Variants in ZNF707 observed in about 807,000 individuals in gnomAD.
ZNF707 encodes the protein zinc finger protein 707.
A neutral mutation model predicts 13.3 loss-of-function variants in ZNF707; 8 were observed. The ratio of observed to expected loss-of-function variants is 0.60; its 90% CI spans 0.35 to 1.09. ZNF707 has a LOEUF of 1.09. Ranked by LOEUF, ZNF707 falls within the 50% of genes least tolerant of loss-of-function variation. The pLI is 0.02. For synonymous variants in ZNF707, 225 were observed against 205.6 expected (o/e 1.09, Z -0.81); for missense variants, 530 against 512.6 (o/e 1.03, Z -0.33).
Position 143,693,925 on chromosome 8 carries a change from G to C in ZNF707, c.511G>C (p.Ala171Pro). 6.2e-7 allele frequency: 1 copy of C among 1,607,516 alleles called. No homozygotes were observed. The highest frequency in any genetic ancestry group is 8.5e-7 in the Non-Finnish European group (1 of 1,177,428). ...PGRRERRKQR[A>P]VELSFICGTC... ...CCGCAGAGAGCGCCGGAAGCAGCGC[G>C]CAGTAGAGCTGTCATTCATCTGCGG... is the stretch of plus-strand genomic sequence containing the variant. Residue 171 changes from alanine to proline, a missense_variant, in exon 6 of 6, where the codon GCA (alanine) becomes CCA (proline). Ala to Pro is a conservative substitution (Grantham distance 27, BLOSUM62 -1). Transcript: ENST00000358656. This position sits in a 1 kb window ranked among gnomAD's most constrained non-coding sequence, Gnocchi z 4.1.
rs1237764530 is a variant in ZNF707, at chr8:143,689,312, A to T, written c.-53+11A>T. 9 of 152,348 alleles carry T rather than the reference A, an allele frequency of 5.9e-5. No homozygotes were observed. Among genetic ancestry groups the T allele is most frequent in the Admixed American group, 5.2e-4 (8 of 15,266 alleles). 9.4% of individuals were successfully genotyped at this position (152,348 alleles called of 1,614,324 possible). On this transcript the variant is annotated intron_variant, in intron 2 of 5. Coordinates refer to ENST00000358656, the MANE Select transcript of ZNF707 (RefSeq NM_001100598.2). ...CCCTCCCCTGACGAGGTAACCAGGC[A>T]TGGGCTATCTTCCTCCAGCTGGTTC...
intron 1 of ZNF707, chr8:143,687,149 G>T (rs1816365182): frequency 6.6e-6 from 1 of 152,116 alleles, no homozygotes; most frequent in Admixed American, 6.5e-5. Flanking sequence ...GGGATTACAG[G>T]CGTGAGCCAC....
chr8:143,691,797 C>A, intron 5 of ZNF707, 84 bp downstream of exon 5: 3 of 1,229,938 alleles, frequency 2.4e-6, no homozygotes, highest in Non-Finnish European at 3.4e-6. Flanking sequence ...CTGCAGTGAC[C>A]AAGGGTGTGT....
chr8:143,690,296 G>A, intron 3 of ZNF707, 173 bp downstream of exon 3: 1 of 755,948 alleles, frequency 1.3e-6, no homozygotes, highest in Non-Finnish European at 2.1e-6. Context: ...TTGGGGCCAG[G>A]CGCAATGCCT....
intron 1 of ZNF707, chr8:143,687,148 G>A (rs956359372): frequency 6.6e-6 from 1 of 152,168 alleles, no homozygotes; most frequent in Non-Finnish European, 1.5e-5. Context: ...TGGGATTACA[G>A]GCGTGAGCCA....
At position 143,694,541 on chromosome 8, in the gene ZNF707, AGAGTG is replaced by A; in HGVS notation, c.*13_*17del. Reference sequence around the variant, plus strand: ...CACGGGGAGGTGTAGGGGCGCCCGAAGAGTGGGGTGCTGCGCCTCTGCGGGAGTAC... The same window carrying A: ...CACGGGGAGGTGTAGGGGCGCCCGAAGGGTGCTGCGCCTCTGCGGGAGTAC... On this transcript the variant is annotated 3_prime_UTR_variant, in exon 6 of 6. Transcript: ENST00000358656. This position sits in a 1 kb window ranked among gnomAD's most constrained non-coding sequence, Gnocchi z 4.4. 1 of 1,585,396 alleles carries A rather than the reference AGAGTG, an allele frequency of 6.3e-7. No homozygotes were observed. The highest frequency in any genetic ancestry group is 1.7e-5 in the Admixed American group (1 of 58,584).
intron 4 of ZNF707, 186 bp downstream of exon 4, chr8:143,691,385 C>A: frequency 2.6e-6 from 3 of 1,155,816 alleles, no homozygotes; most frequent in South Asian, 1.7e-5. Context: ...TCCCTGGAGG[C>A]AGCCTCATCT....
rs782179117 is a variant in ZNF707 at position 143,694,096 on chromosome 8, C to T, written c.682C>T (p.Arg228Cys). Residue 228 changes from arginine to cysteine, a missense_variant, in exon 6 of 6, where the codon CGC (arginine) becomes TGC (cysteine). Transcript: ENST00000358656. The surrounding 1 kb of genome is among the most constrained non-coding windows in gnomAD (Gnocchi z 4.4). ...NLQRHQKNHTREKPFCCEACG... is the reference protein window; with the variant it reads ...NLQRHQKNHTCEKPFCCEACG... Reference sequence around the variant, plus strand: ...GCAGCGCCACCAGAAGAACCACACGCGCGAGAAGCCCTTCTGCTGCGAGGC... The same window carrying T: ...GCAGCGCCACCAGAAGAACCACACGTGCGAGAAGCCCTTCTGCTGCGAGGC... The T allele has an allele frequency of 3.1e-6, 5 of 1,606,490 alleles. No homozygotes were observed. The highest frequency in any genetic ancestry group is 1.3e-5 in the African/African-American group (1 of 74,686).
At position 143,694,357 on chromosome 8, in the gene ZNF707, C is replaced by A; in HGVS notation, c.943C>A (p.Pro315Thr). ...CCAGAGGGTCCACAGCGGGGAGAAG[C>A]CCTACACCTGTGCCGAGTGCGGCAA... ...HHQRVHSGEKPYTCAECGKSF... is the reference protein window; with the variant it reads ...HHQRVHSGEKTYTCAECGKSF... The change falls in exon 6 of 6, where the codon CCC (proline) becomes ACC (threonine). Residue 315 changes from proline to threonine, a missense_variant. By Grantham distance (38) the Pro-to-Thr change is conservative (BLOSUM62 -1). Coordinates refer to ENST00000358656, the MANE Select transcript of ZNF707 (RefSeq NM_001100598.2). This position sits in a 1 kb window ranked among gnomAD's most constrained non-coding sequence, Gnocchi z 4.4. 6.2e-7 allele frequency: 1 copy of A among 1,611,194 alleles called. No individual in the cohort carries two copies. The highest frequency in any genetic ancestry group is 8.5e-7 in the Non-Finnish European group (1 of 1,179,022).
Position 143,693,860 on chromosome 8 carries a change from C to G in ZNF707, c.446C>G (p.Pro149Arg). The change falls in exon 6 of 6, where the codon CCG becomes CGG. Residue 149 changes from proline (P) to arginine (R), a missense_variant. By Grantham distance (103) the Pro-to-Arg change is moderately radical (BLOSUM62 -2). Coordinates refer to ENST00000358656, the MANE Select transcript of ZNF707 (RefSeq NM_001100598.2). This position sits in a 1 kb window ranked among gnomAD's most constrained non-coding sequence, Gnocchi z 4.1. ...ACAGACGCCAAGCCCACGGCTTTCC[C>G]GTGTCAGGTGCTCACGCAGCGTTGT... Reference protein sequence around the residue: ...ERTDAKPTAFPCQVLTQRCGR... With the variant: ...ERTDAKPTAFRCQVLTQRCGR... The G allele has an allele frequency of 3.1e-6, 5 of 1,610,328 alleles. No homozygotes were observed. Among genetic ancestry groups the G allele is most frequent in the Non-Finnish European group, 4.2e-6 (5 of 1,178,468 alleles).
chr8:143,686,191 G>A (rs1249812381), intron 1 of ZNF707, among the ~76,000 whole-genome samples: 1 of 151,940 alleles, frequency 6.6e-6, no homozygotes, highest in African/African-American at 2.4e-5. Flanking sequence ...TCCGCCTCCC[G>A]GGTTCAAGCA....
intron 1 of ZNF707, among the ~76,000 whole-genome samples, chr8:143,685,669 G>A (rs1251968192): frequency 1.3e-5 from 2 of 152,010 alleles, no homozygotes; most frequent in African/African-American, 4.8e-5. Context: ...GTGAGACCCC[G>A]TTTCTGCAAA....
At chr8:143,685,444 T>G (rs1391342732) in intron 1 of ZNF707, among the ~76,000 whole-genome samples, 6 of 151,780 alleles carry the variant, frequency 4.0e-5, no homozygotes, top group African/African-American at 1.2e-4. Flanking sequence ...GAGAATCGTT[T>G]GAACCCAAGA....
In ZNF707 at chr8:143,693,796, A is replaced by G; in HGVS notation, c.382A>G (p.Thr128Ala). ...SSFRKGFRLD[T>A]DDGQLPRAAP... ...CTTTAGGAAGGGCTTCAGGCTGGACACGGATGACGGGCAGCTTCCCAGAGC... is the reference window on the plus strand; with the variant it reads ...CTTTAGGAAGGGCTTCAGGCTGGACGCGGATGACGGGCAGCTTCCCAGAGC... The change falls in exon 6 of 6, where the codon ACG (threonine) becomes GCG (alanine). Residue 128 changes from threonine (T) to alanine (A), a missense_variant. Physicochemically the swap from Thr to Ala is moderately conservative, Grantham distance 58. Transcript: ENST00000358656. The surrounding 1 kb of genome is among the most constrained non-coding windows in gnomAD (Gnocchi z 4.1). 6.2e-7 allele frequency: 1 copy of G among 1,612,954 alleles called. No homozygotes were observed. Among genetic ancestry groups the G allele is most frequent in the Non-Finnish European group, 8.5e-7 (1 of 1,179,842 alleles).
At chr8:143,692,363 T>G (rs1437567807) in intron 5 of ZNF707, 1 of 1,273,050 alleles carries the variant, frequency 7.9e-7, no homozygotes, top group Non-Finnish European at 1.0e-6. Context: ...GAGTGTCAGG[T>G]CCCTGGGTGT....
rs782161105 is a variant in ZNF707, at chr8:143,692,064, G to A, written c.256+351G>A. 122 of 1,358,614 alleles carry A rather than the reference G, an allele frequency of 9.0e-5. 1 individual carries two copies. Among genetic ancestry groups the A allele is most frequent in the South Asian group, 7.4e-5 (6 of 81,628 alleles). The allele number at this position is 1,358,614 out of a possible 1,614,324, so 84.2% of individuals were successfully genotyped here. A position where few individuals can be genotyped will look rare whatever the true frequency, so the allele number is the denominator to read the frequency against. ...TGTCTGACCTCCCTGTGATGGCCAT[G>A]TGGGGTCCCAGGCCTGGTACTGACT... On this transcript the variant is annotated intron_variant, in intron 5 of 5. Coordinates refer to ENST00000358656, the MANE Select transcript of ZNF707 (RefSeq NM_001100598.2).
At chr8:143,692,411 G>A (rs1000241539) in intron 5 of ZNF707, 16 of 1,181,550 alleles carry the variant, frequency 1.4e-5, no homozygotes, top group South Asian at 5.1e-5. Context: ...GTCCCCGGGT[G>A]TGTGGAGCCC....
In ZNF707 at chr8:143,694,903, C is replaced by T. The variant is rs61348167; in HGVS notation, c.*373C>T. The T allele has an allele frequency of 0.22, 48,906 of 219,756 alleles. 7,602 individuals are homozygous for T. The highest frequency in any genetic ancestry group is 0.74 in the East Asian group (7,607 of 10,256). 13.6% of individuals were successfully genotyped at this position (219,756 alleles called of 1,614,324 possible). ...CAGGGACTCCACCCTGGCCCCGAGT[C>T]GCCGTCTGCTGGGCCTTTCCTTCCT... On this transcript the variant is annotated 3_prime_UTR_variant, in exon 6 of 6. Coordinates refer to ENST00000358656, the MANE Select transcript of ZNF707 (RefSeq NM_001100598.2). This position sits in a 1 kb window ranked among gnomAD's most constrained non-coding sequence, Gnocchi z 4.4.
In ZNF707 at chr8:143,690,126, G is replaced by A; in HGVS notation, c.15+3G>A. ...CTGTTCCCATGGACATGGCCCAGGT[G>A]AGCCCTGCTGCTGCCGAGCGCAGCC... On this transcript the variant is annotated splice_donor_region_variant and intron_variant, in intron 3 of 5. Transcript: ENST00000358656. 1 of 1,606,502 alleles carries A rather than the reference G, an allele frequency of 6.2e-7. No homozygotes were observed. Among genetic ancestry groups the A allele is most frequent in the East Asian group, 2.2e-5 (1 of 44,874 alleles).
Sources: allele counts gnomAD v4.1 joint callset (sites outside exome capture counted in the v4.1 genomes callset), GRCh38; gene constraint gnomAD v4.1.1; non-coding constraint Gnocchi (gnomAD v3.1); transcripts MANE v1.5; gene names NCBI Gene and HGNC (gene_info 2026-07-23, HGNC 2026-07-21).